PLEKHH1: variants seen among roughly 807,000 people sequenced by gnomAD.
PLEKHH1 encodes pleckstrin homology, MyTH4 and FERM domain containing H1, also known as pleckstrin homology domain-containing family H member 1.
Under a neutral mutation model 160.0 loss-of-function variants are expected in PLEKHH1, and 104 were observed. That is an observed-to-expected ratio of 0.65 (90% CI 0.55 to 0.76). PLEKHH1 has a LOEUF of 0.76. PLEKHH1 is among the 30% of genes least tolerant of loss of function. PLEKHH1 has a pLI of 0.00. For missense variants in PLEKHH1, 1,427 were observed against 1,724.1 expected, an observed-to-expected ratio of 0.83 and a Z score of 3.05; for synonymous variants, 619 against 678.4, an observed-to-expected ratio of 0.91 and a Z score of 1.36.
At chr14:67,569,819 C>T in intron 8 of PLEKHH1, 102 bp from the exon 9 acceptor site, 1 of 752,498 alleles carries the variant, frequency 1.3e-6, no homozygotes, top group Non-Finnish European at 2.4e-6. Context: ...CTGTCACTGG[C>T]CTGCTCCTGG....
intron 2 of PLEKHH1, among the ~76,000 whole-genome samples, chr14:67,545,135 G>A (rs914758807): frequency 3.9e-5 from 6 of 152,138 alleles, no homozygotes; most frequent in African/African-American, 1.4e-4. Context: ...CTAGGGTGAT[G>A]GTCTCTGGAT....
intron 4 of PLEKHH1, among the ~76,000 whole-genome samples, chr14:67,557,744 G>T (rs2034653295): frequency 6.6e-6 from 1 of 152,180 alleles, no homozygotes; most frequent in African/African-American, 2.4e-5. Flanking sequence ...ATAAAAGAAG[G>T]GTGGAAACAC....
At chr14:67,542,590 G>A (rs2034014759) in intron 2 of PLEKHH1, among the ~76,000 whole-genome samples, 1 of 152,160 alleles carries the variant, frequency 6.6e-6, no homozygotes, top group African/African-American at 2.4e-5. Context: ...GTCTTAAATG[G>A]GAATAATTAT....
At chr14:67,585,901 C>T (rs758441220) in intron 27 of PLEKHH1, 50 bp from the exon 28 acceptor site, 1 of 1,570,162 alleles carries the variant, frequency 6.4e-7, no homozygotes. Context: ...GTTCCTAGCT[C>T]AGGGGACAGG....
chr14:67,565,993 G>A (rs972387850), intron 7 of PLEKHH1, among the ~76,000 whole-genome samples: 3 of 152,236 alleles, frequency 2.0e-5, no homozygotes, highest in South Asian at 2.1e-4. Context: ...GGTGGTGCAC[G>A]CCTATAGTCT....
intron 1 of PLEKHH1, among the ~76,000 whole-genome samples, chr14:67,540,399 G>A (rs1400232369): frequency 1.3e-5 from 2 of 152,078 alleles, no homozygotes; most frequent in Non-Finnish European, 2.9e-5. Context: ...ATTGAGGCCG[G>A]TGGATCACTT....
intron 7 of PLEKHH1, among the ~76,000 whole-genome samples, chr14:67,564,997 C>A (rs1056740099): frequency 3.9e-5 from 6 of 152,082 alleles, no homozygotes; most frequent in African/African-American, 1.2e-4. Context: ...GGCCCTGTAC[C>A]TGACATTTTC....
intron 9 of PLEKHH1, 100 bp downstream of exon 9, chr14:67,570,112 C>A: frequency 3.5e-6 from 3 of 848,842 alleles, no homozygotes; most frequent in Middle Eastern, 2.4e-4. Context: ...GGCTTCTGCA[C>A]ATGGTGACCC....
Position 67,573,661 on chromosome 14 carries a change from G to C in PLEKHH1, c.1840-140G>C, listed in dbSNP as rs2035489233. 1.5e-6 allele frequency: 1 copy of C among 683,832 alleles called. No individual in the cohort carries two copies. The highest frequency in any genetic ancestry group is 2.7e-6 in the Non-Finnish European group (1 of 375,914). The allele number at this position is 683,832 out of a possible 1,614,324, so 42.4% of individuals were successfully genotyped here. On this transcript the variant is annotated intron_variant, in intron 12 of 28. Coordinates refer to ENST00000329153, the MANE Select transcript of PLEKHH1 (RefSeq NM_020715.3). This position sits in a 1 kb window ranked among gnomAD's most constrained non-coding sequence, Gnocchi z 4.8. ...TAGCTATAACCAGAATCTAGAATAA[G>C]TCACCCATCATAACACAGCCAGAAT...
chr14:67,533,905 A>G (rs1382442232), intron 1 of PLEKHH1, among the ~76,000 whole-genome samples: 1 of 152,144 alleles, frequency 6.6e-6, no homozygotes, highest in Non-Finnish European at 1.5e-5. Flanking sequence ...TAGGAGTCTT[A>G]GCGAGGACTC....
intron 1 of PLEKHH1, among the ~76,000 whole-genome samples, chr14:67,535,689 C>T (rs2033688177): frequency 1.3e-5 from 2 of 152,198 alleles, no homozygotes; most frequent in East Asian, 1.9e-4. Flanking sequence ...CTCGTGAGCA[C>T]ATCTTTGGGC....
At position 67,587,190 on chromosome 14, in the gene PLEKHH1, C is replaced by A; in HGVS notation, c.4050C>A (p.Phe1350Leu). The change falls in exon 29 of 29, where the codon TTC becomes TTA. Residue 1350 changes from phenylalanine (F) to leucine (L), a missense_variant. Physicochemically the swap from Phe to Leu is conservative, Grantham distance 22 (BLOSUM62 0). Coordinates refer to ENST00000329153, the MANE Select transcript of PLEKHH1 (RefSeq NM_020715.3). ...CQLWELDGRQFFSSVSCATKG... is the reference protein window; with the variant it reads ...CQLWELDGRQLFSSVSCATKG... The stretch of plus-strand genomic sequence containing the variant: ...TGTGGGAACTGGATGGACGACAGTT[C>A]TTTTCTTCTGTTTCCTGTGCTACCA... 1.2e-6 allele frequency: 2 copies of A among 1,613,894 alleles called. No homozygotes were observed.
intron 7 of PLEKHH1, among the ~76,000 whole-genome samples, chr14:67,567,971 G>C (rs1308618950): frequency 3.3e-5 from 5 of 152,230 alleles, no homozygotes; most frequent in African/African-American, 1.2e-4. Context: ...AGCTCCTTTG[G>C]CCTGTGGCCT....
Position 67,574,394 on chromosome 14 carries a change from G to A in PLEKHH1, c.2079G>A (p.Trp693Ter). 6.4e-7 allele frequency: 1 copy of A among 1,572,232 alleles called. No homozygotes were observed. Among genetic ancestry groups the A allele is most frequent in the Non-Finnish European group, 8.6e-7 (1 of 1,159,834 alleles). Residue 693 changes from tryptophan (W) to a stop codon, truncating the protein, a stop_gained, in exon 14 of 29, where the codon TGG becomes TGA. Coordinates refer to ENST00000329153, the MANE Select transcript of PLEKHH1 (RefSeq NM_020715.3). LOFTEE classifies it high-confidence loss of function. The surrounding 1 kb of genome is among the most constrained non-coding windows in gnomAD (Gnocchi z 4.2). ...RGGTKPTVKG[W>*]LTKVKHGHSK... The stretch of plus-strand genomic sequence containing the variant: ...GCACCAAGCCCACCGTGAAGGGCTG[G>A]CTGACCAAGGTAGAGGGTGGGGCTG...
chr14:67,585,919 T>C (rs754901442), intron 27 of PLEKHH1, 32 bp from the exon 28 acceptor site: 26 of 1,591,428 alleles, frequency 1.6e-5, no homozygotes, highest in Non-Finnish European at 2.1e-5. Flanking sequence ...AGGTGGAAAG[T>C]TTCCCCACAA....
In PLEKHH1 at chr14:67,562,225, G is replaced by A. The variant is rs767336849; in HGVS notation, c.594G>A (p.Gln198=). 1.2e-6 allele frequency: 2 copies of A among 1,611,976 alleles called. No individual in the cohort carries two copies. The highest frequency in any genetic ancestry group is 4.5e-5 in the East Asian group (2 of 44,826). The change falls in exon 7 of 29, where the codon CAG becomes CAA. Residue 198 remains glutamine (Q), a synonymous_variant. Coordinates refer to ENST00000329153, the MANE Select transcript of PLEKHH1 (RefSeq NM_020715.3). ...CTGTCCCTTCAGAGCCGGGAATCCA[G>A]CCTATGGGCCAGGACAGTGGCTCCC... The part of the protein sequence containing the change: ...QDSVPSEPGI[Q]PMGQDSGSQA...
chr14:67,578,426 G>A lies in PLEKHH1; in HGVS notation c.2752-108G>A. ...CATCCCAGCACCCAGAGCAAGTTGGGGGCTCTGGTTTGGGGAAAGAGTGCT... is the reference window on the plus strand; with the variant it reads ...CATCCCAGCACCCAGAGCAAGTTGGAGGCTCTGGTTTGGGGAAAGAGTGCT... On this transcript the variant is annotated intron_variant, in intron 19 of 28. Transcript: ENST00000329153. The surrounding 1 kb of genome is among the most constrained non-coding windows in gnomAD (Gnocchi z 5.0). 1 of 880,146 alleles carries A rather than the reference G, an allele frequency of 1.1e-6. No individual in the cohort carries two copies. The highest frequency in any genetic ancestry group is 1.8e-6 in the Non-Finnish European group (1 of 547,358). 54.5% of individuals were successfully genotyped at this position (880,146 alleles called of 1,614,324 possible).
At chr14:67,586,748 C>A (rs1241094728) in intron 28 of PLEKHH1, 8 of 1,252,508 alleles carry the variant, frequency 6.4e-6, no homozygotes, top group Non-Finnish European at 8.2e-6. Flanking sequence ...TTTAATACCA[C>A]CCCTGCTAAA....
intron 2 of PLEKHH1, among the ~76,000 whole-genome samples, chr14:67,545,728 G>T (rs1420800278): frequency 2.0e-5 from 3 of 152,176 alleles, no homozygotes; most frequent in Non-Finnish European, 4.4e-5. Flanking sequence ...AATTAAAAAT[G>T]AATCAAGTAG....
Sources: gnomAD v4.1 joint callset for allele counts (sites outside exome capture counted in the v4.1 genomes callset) on GRCh38, gnomAD v4.1.1 for gene constraint, Gnocchi (gnomAD v3.1) non-coding constraint, MANE v1.5 for transcripts, NCBI Gene and HGNC (gene_info 2026-07-23, HGNC 2026-07-21) for gene names.